Variants in SOX6 observed in about 807,000 individuals in gnomAD.
SOX6 encodes transcription factor SOX-6.
In SOX6, 11 loss-of-function variants were observed where a neutral mutation model predicts 97.8. The ratio of observed to expected loss-of-function variants is 0.11; its 90% CI spans 0.07 to 0.19. The LOEUF (loss-of-function observed/expected upper bound fraction) is 0.19. Ranked by LOEUF, SOX6 falls within the 10% of genes least tolerant of loss-of-function variation. The probability of loss-of-function intolerance (pLI) is 1.00; values close to 1 mark genes in which losing one functional copy is unlikely to be tolerated. For synonymous variants in SOX6, 360 were observed against 371.4 expected, an observed-to-expected ratio of 0.97 and a Z score of 0.35; for missense variants, 810 against 1,039.5, an observed-to-expected ratio of 0.78 and a Z score of 3.04.
At chr11:16,706,206 G>A (rs1184241468) in intron 3 of SOX6, among the ~76,000 whole-genome samples, 3 of 151,242 alleles carry the variant, frequency 2.0e-5, no homozygotes, top group Non-Finnish European at 4.4e-5. Context: ...TTGGGAGGCC[G>A]AGGCTGGAGG....
intron 6 of SOX6, among the ~76,000 whole-genome samples, chr11:16,137,040 A>T (rs1471613894): frequency 6.6e-6 from 1 of 152,248 alleles, no homozygotes; most frequent in Non-Finnish European, 1.5e-5. Flanking sequence ...AATAAATAAT[A>T]TGTGCCTTGG....
chr11:16,428,432 TTTC>T (rs989801683), intron 1 of SOX6, among the ~76,000 whole-genome samples: 7 of 152,214 alleles, frequency 4.6e-5, no homozygotes, highest in Admixed American at 2.6e-4. Context: ...TTGCCTAGGT[TTTC>T]TTCTAGGGTT....
chr11:16,611,269 C>A (rs1848394602), intron 4 of SOX6, among the ~76,000 whole-genome samples: 1 of 152,192 alleles, frequency 6.6e-6, no homozygotes, highest in African/African-American at 2.4e-5. Flanking sequence ...ACGCAAAAAT[C>A]ATAACGGCTA....
chr11:16,637,236 T>G (rs1848803984), intron 3 of SOX6, among the ~76,000 whole-genome samples: 1 of 152,200 alleles, frequency 6.6e-6, no homozygotes, highest in Admixed American at 6.5e-5. Flanking sequence ...ATCTTTTTAT[T>G]TTGAGATGCA....
chr11:16,724,599 C>G (rs143138389), intron 2 of SOX6, among the ~76,000 whole-genome samples: 41 of 152,288 alleles, frequency 2.7e-4, no homozygotes, highest in Admixed American at 7.2e-4. Context: ...ATCAGAAACT[C>G]TGGGGTAGGG....
At chr11:16,032,503 G>A (rs1855404926) in intron 12 of SOX6, among the ~76,000 whole-genome samples, 1 of 152,080 alleles carries the variant, frequency 6.6e-6, no homozygotes, top group African/African-American at 2.4e-5. Context: ...AGAAGAGTGG[G>A]AGCAACTTAT....
chr11:16,024,756 A>G (rs1855169005), intron 12 of SOX6, among the ~76,000 whole-genome samples: 1 of 152,080 alleles, frequency 6.6e-6, no homozygotes, highest in Non-Finnish European at 1.5e-5. Flanking sequence ...CAAGCAGAGA[A>G]GCATGCAGCA....
At chr11:16,092,697 T>C (rs1185395217) in intron 9 of SOX6, among the ~76,000 whole-genome samples, 1 of 151,906 alleles carries the variant, frequency 6.6e-6, no homozygotes, top group Non-Finnish European at 1.5e-5. Flanking sequence ...GTGGATCACT[T>C]TGCATATGGT....
At chr11:16,384,811 A>G (rs1857930312) in intron 1 of SOX6, among the ~76,000 whole-genome samples, 1 of 152,058 alleles carries the variant, frequency 6.6e-6, no homozygotes, top group Admixed American at 6.6e-5. Context: ...ATATCAGAAA[A>G]GAACATACTG....
intron 3 of SOX6, among the ~76,000 whole-genome samples, chr11:16,638,179 G>C (rs560340695): frequency 1.3e-5 from 2 of 151,514 alleles, no homozygotes; most frequent in Admixed American, 1.3e-4. Flanking sequence ...CCTTGCGATA[G>C]TTTGCTGAGA....
chr11:16,632,952 C>A (rs1848732659), intron 3 of SOX6, among the ~76,000 whole-genome samples: 1 of 152,168 alleles, frequency 6.6e-6, no homozygotes, highest in African/African-American at 2.4e-5. Flanking sequence ...GATCTCTGCA[C>A]AGGAAGGGTA....
rs1554976100 is a variant in SOX6, at chr11:16,583,616, T to TATATATATATATACACACACACACAC, written n.609+28464_609+28465insGTGTGTGTGTGTGTATATATATATAT. 2.9e-4 allele frequency among the ~76,000 whole-genome samples: 15 copies of TATATATATATATACACACACACACAC among 52,500 alleles called. 1 individual carries two copies. The highest frequency in any genetic ancestry group is 1.2e-3 in the African/African-American group (15 of 12,378). 34.4% of individuals were successfully genotyped at this position (52,500 alleles called of 152,430 possible). A position where few individuals can be genotyped will look rare whatever the true frequency, so the allele number is the denominator to read the frequency against. ...ATGTATATATGTGTATATATATACATATATATATATATATATATATACACA... is the reference window on the plus strand; with the variant it reads ...ATGTATATATGTGTATATATATACATATATATATATATACACACACACACACATATATATATATATATATATACACA... On this transcript the variant is annotated intron_variant and non_coding_transcript_variant, in intron 4 of 5. Transcript: ENST00000524520.
chr11:16,369,222 A>G (rs901491612), intron 1 of SOX6, among the ~76,000 whole-genome samples: 6 of 152,158 alleles, frequency 3.9e-5, no homozygotes, highest in African/African-American at 1.2e-4. Context: ...AAAAAATGAA[A>G]AATAACATTT....
intron 10 of SOX6, among the ~76,000 whole-genome samples, chr11:16,055,345 T>C (rs1771036101): frequency 6.6e-6 from 1 of 152,156 alleles, no homozygotes; most frequent in Non-Finnish European, 1.5e-5. Context: ...GCACTTCTTT[T>C]TAAATCTAAT....
chr11:16,443,882 G>C (rs748118329), intron 1 of SOX6, among the ~76,000 whole-genome samples: 3 of 151,870 alleles, frequency 2.0e-5, no homozygotes, highest in Non-Finnish European at 4.4e-5. Context: ...GCGCGGTAGT[G>C]GGCACCTGTA....
intron 1 of SOX6, among the ~76,000 whole-genome samples, chr11:16,404,458 T>C (rs1858640782): frequency 6.6e-6 from 1 of 151,978 alleles, no homozygotes; most frequent in South Asian, 2.1e-4. Context: ...AATATACTTT[T>C]ATTGTTAACA....
At chr11:16,604,486 C>T (rs1848309273) in intron 4 of SOX6, among the ~76,000 whole-genome samples, 2 of 152,200 alleles carry the variant, frequency 1.3e-5, no homozygotes, top group Non-Finnish European at 2.9e-5. Context: ...CTGGCTGGGC[C>T]GTGCAGCCAG....
At chr11:16,520,252 A>G (rs1400014925) in intron 4 of SOX6, among the ~76,000 whole-genome samples, 1 of 152,132 alleles carries the variant, frequency 6.6e-6, no homozygotes, top group East Asian at 1.9e-4. Context: ...TTTTGAGGTC[A>G]TAGTCATGAA....
In SOX6 at chr11:16,626,125, C is replaced by A. The variant is rs191332643; in HGVS notation, n.430-13865G>T. Among the ~76,000 whole-genome samples, 63 of 152,256 alleles carry A rather than the reference C, an allele frequency of 4.1e-4. 1 individual carries two copies. The highest frequency in any genetic ancestry group is 3.0e-3 in the Admixed American group (46 of 15,290). ...TGAATTACATGCTAGGACACCCACTCAATGTCTGCTGAAAAGTGGAGAATT... is the reference window on the plus strand; with the variant it reads ...TGAATTACATGCTAGGACACCCACTAAATGTCTGCTGAAAAGTGGAGAATT... On this transcript the variant is annotated intron_variant and non_coding_transcript_variant, in intron 3 of 5. Coordinates refer to the SOX6 transcript ENST00000524520.
Sources: allele counts gnomAD v4.1 joint callset (sites outside exome capture counted in the v4.1 genomes callset), GRCh38; gene constraint gnomAD v4.1.1; transcripts MANE v1.5; gene names NCBI Gene and HGNC (gene_info 2026-07-23, HGNC 2026-07-21).